NCOA7: variants seen among roughly 807,000 people sequenced by gnomAD.
The protein encoded by NCOA7 is nuclear receptor coactivator 7, also known as 140 kDa estrogen receptor-associated protein.
In NCOA7, 45 loss-of-function variants were observed where a neutral mutation model predicts 104.3. The ratio of observed to expected loss-of-function variants is 0.43; its 90% CI spans 0.34 to 0.55. NCOA7 has a LOEUF of 0.55. Among genes scored for constraint, NCOA7 ranks in the 20% least tolerant of loss-of-function variants. The pLI is 0.02. For missense variants in NCOA7, 1,041 were observed against 1,119.7 expected (o/e 0.93, Z 1.00); for synonymous variants, 398 against 402.3 (o/e 0.99, Z 0.13).
intron 13 of NCOA7, among the ~76,000 whole-genome samples, chr6:125,926,785 C>T (rs1482565942): frequency 6.6e-6 from 1 of 152,114 alleles, no homozygotes; most frequent in Admixed American, 6.5e-5. Context: ...TCCAGATAAC[C>T]TACATTTAAA....
chr6:125,893,349 T>TA (rs1304331162), intron 10 of NCOA7, among the ~76,000 whole-genome samples: 1 of 152,234 alleles, frequency 6.6e-6, no homozygotes, highest in African/African-American at 2.4e-5. Context: ...TCCACTATGT[T>TA]AAAAATTAAA....
intron 2 of NCOA7, among the ~76,000 whole-genome samples, chr6:125,838,211 C>T (rs1779795392): frequency 6.6e-6 from 1 of 152,096 alleles, no homozygotes; most frequent in Non-Finnish European, 1.5e-5. Context: ...GCAGAAGCTT[C>T]TATACCATCT....
At chr6:125,905,253 ATTTTTTT>A (rs375646356) in intron 10 of NCOA7, among the ~76,000 whole-genome samples, 3 of 131,600 alleles carry the variant, frequency 2.3e-5, no homozygotes, top group African/African-American at 8.6e-5. Flanking sequence ...AAGGAATAAG[ATTTTTTT>A]TTTTTTTTTT....
chr6:125,866,463 A>G (rs1322433501), intron 3 of NCOA7, among the ~76,000 whole-genome samples: 1 of 152,186 alleles, frequency 6.6e-6, no homozygotes, highest in Non-Finnish European at 1.5e-5. Context: ...ATTTAATTAT[A>G]ATCCTTAAAG....
chr6:125,794,239 A>G (rs1205842252), intron 1 of NCOA7, among the ~76,000 whole-genome samples: 3 of 152,322 alleles, frequency 2.0e-5, no homozygotes, highest in South Asian at 2.1e-4. Flanking sequence ...TTAACTTTAA[A>G]TGCCAAAGAA....
chr6:125,890,268 G>T (rs1296176340), intron 9 of NCOA7, among the ~76,000 whole-genome samples: 1 of 152,188 alleles, frequency 6.6e-6, no homozygotes, highest in Non-Finnish European at 1.5e-5. Context: ...ATCTAGAGGA[G>T]TTTAAACTGT....
At chr6:125,799,435 T>C (rs1775669568) in intron 1 of NCOA7, among the ~76,000 whole-genome samples, 1 of 137,662 alleles carries the variant, frequency 7.3e-6, no homozygotes, top group African/African-American at 2.5e-5. Flanking sequence ...CTTTATTGCT[T>C]AGTTGTTCTT....
intron 4 of NCOA7, among the ~76,000 whole-genome samples, chr6:125,877,256 G>T (rs1380756984): frequency 6.6e-6 from 1 of 152,090 alleles, no homozygotes; most frequent in East Asian, 1.9e-4. Context: ...GATACTGAAG[G>T]CAGCGATGGG....
chr6:125,888,718 ATT>A (rs764376820), intron 8 of NCOA7, among the ~76,000 whole-genome samples: 5 of 152,102 alleles, frequency 3.3e-5, no homozygotes, highest in Non-Finnish European at 2.9e-5. Context: ...CTCATGGTTC[ATT>A]CTTTCTCCAT....
At chr6:125,789,804 C>T (rs557786917), upstream of NCOA7, among the ~76,000 whole-genome samples, 2 of 152,208 alleles carry the variant, frequency 1.3e-5, no homozygotes, top group Non-Finnish European at 2.9e-5. Context: ...CGTCAACAAC[C>T]CAGAGGAGGC....
At chr6:125,883,422 A>G (rs1784009677) in intron 7 of NCOA7, among the ~76,000 whole-genome samples, 1 of 152,198 alleles carries the variant, frequency 6.6e-6, no homozygotes, top group Middle Eastern at 3.2e-3. Context: ...AGTGATTTTT[A>G]GTTTCTTCAC....
intron 1 of NCOA7, among the ~76,000 whole-genome samples, chr6:125,807,624 T>A (rs532499787): frequency 6.6e-6 from 1 of 152,334 alleles, no homozygotes; most frequent in South Asian, 2.1e-4. Context: ...TTGACTCCTT[T>A]CTACAGACAG....
chr6:125,790,429 C>G (rs1389463435), upstream of NCOA7, among the ~76,000 whole-genome samples: 8 of 152,218 alleles, frequency 5.3e-5, no homozygotes, highest in Admixed American at 5.2e-4. Flanking sequence ...AGCAAGGCGC[C>G]CGCACTCGGG....
At chr6:125,900,800 A>G (rs531956202) in intron 10 of NCOA7, among the ~76,000 whole-genome samples, 4 of 152,352 alleles carry the variant, frequency 2.6e-5, no homozygotes, top group African/African-American at 9.6e-5. Flanking sequence ...AGACACACTA[A>G]GACCCTTTAA....
At chr6:125,908,384 C>T (rs1294668546) in intron 10 of NCOA7, among the ~76,000 whole-genome samples, 1 of 152,168 alleles carries the variant, frequency 6.6e-6, no homozygotes, top group Non-Finnish European at 1.5e-5. Context: ...CACACCATGC[C>T]TCAATTTGTC....
At chr6:125,781,802 G>C (rs1177468454) in intron 1 of NCOA7, among the ~76,000 whole-genome samples, 1 of 152,220 alleles carries the variant, frequency 6.6e-6, no homozygotes, top group African/African-American at 2.4e-5. Context: ...AGTGTTACCA[G>C]CTTCTTCTGT....
chr6:125,905,296 G>A (rs1204697918), intron 10 of NCOA7, among the ~76,000 whole-genome samples: 5 of 142,040 alleles, frequency 3.5e-5, no homozygotes, highest in South Asian at 2.2e-4. Flanking sequence ...CACTCTTGTC[G>A]CCCAGGCTGG....
chr6:125,845,313 A>T (rs1780511945), intron 2 of NCOA7, among the ~76,000 whole-genome samples: 1 of 152,214 alleles, frequency 6.6e-6, no homozygotes. Context: ...GCAATTTACT[A>T]AGCTAGCTGG....
At chr6:125,818,593 CAG>C (rs912649033) in intron 2 of NCOA7, among the ~76,000 whole-genome samples, 2 of 151,720 alleles carry the variant, frequency 1.3e-5, no homozygotes, top group African/African-American at 4.9e-5. Flanking sequence ...GAGAAAGAGA[CAG>C]AGAGAGAAAC....
Sources: allele counts gnomAD v4.1 joint callset (sites outside exome capture counted in the v4.1 genomes callset), GRCh38; gene constraint gnomAD v4.1.1; transcripts MANE v1.5; gene names NCBI Gene and HGNC (gene_info 2026-07-23, HGNC 2026-07-21).